The following TMCC3 variants were observed in gnomAD, a reference collection of about 807,000 sequenced individuals.
TMCC3 encodes transmembrane and coiled-coil domain protein 3.
TMCC3 carries 28 observed loss-of-function variants against 40.2 expected under a neutral mutation model. That is an observed-to-expected ratio of 0.70 (90% CI 0.52 to 0.95). The LOEUF (loss-of-function observed/expected upper bound fraction) is 0.95, where lower values mean the gene tolerates loss of function less well. TMCC3 is among the 40% of genes least tolerant of loss of function. The pLI, the probability that TMCC3 is intolerant of heterozygous loss-of-function variation, is 0.00. For missense variants in TMCC3, 554 were observed against 615.2 expected (o/e 0.90, Z 1.05); for synonymous variants, 255 against 248.5 (o/e 1.03, Z -0.25).
intron 1 of TMCC3, among the ~76,000 whole-genome samples, chr12:94,606,139 G>A (rs145043720): frequency 1.3e-5 from 2 of 152,306 alleles, no homozygotes; most frequent in South Asian, 2.1e-4. Flanking sequence ...CCATGGGTCT[G>A]TACCTGACCT....
chr12:94,582,501 AG>A lies in TMCC3; in HGVS notation c.115del (p.Leu39Ter), dbSNP rs746944256. The A allele has an allele frequency of 6.2e-7, 1 of 1,613,412 alleles. No individual in the cohort carries two copies. The highest frequency in any genetic ancestry group is 1.3e-5 in the African/African-American group (1 of 74,882). ...GTCTGACCCCCCTCGGCGTATGTTC[AG>A]GGGCAGGCTTAAGGTATTCATGTCA... The part of the protein sequence containing the change: ...RHDMNTLSLP[L>X]NIRRGGSDTN... On this transcript the variant is annotated frameshift_variant, in exon 2 of 4. Coordinates refer to ENST00000261226, the MANE Select transcript of TMCC3 (RefSeq NM_020698.4). LOFTEE classifies it high-confidence loss of function.
chr12:94,591,793 C>T (rs559488108), intron 1 of TMCC3, among the ~76,000 whole-genome samples: 1 of 152,098 alleles, frequency 6.6e-6, no homozygotes, highest in Admixed American at 6.6e-5. Context: ...ATGAGAGATA[C>T]CCCTAGCCCA....
intron 3 of TMCC3, among the ~76,000 whole-genome samples, chr12:94,574,830 C>T (rs1489672387): frequency 6.6e-6 from 1 of 152,166 alleles, no homozygotes; most frequent in Non-Finnish European, 1.5e-5. Flanking sequence ...AAAAGACCAA[C>T]CTTTTAGGAA....
chr12:94,587,438 A>G (rs960815477), intron 1 of TMCC3, among the ~76,000 whole-genome samples: 3 of 152,198 alleles, frequency 2.0e-5, no homozygotes, highest in African/African-American at 7.2e-5. Flanking sequence ...AAAAAGCCCA[A>G]GGGCTCCGGA....
intron 1 of TMCC3, among the ~76,000 whole-genome samples, chr12:94,636,831 G>A (rs377331286): frequency 3.3e-5 from 5 of 152,344 alleles, no homozygotes; most frequent in African/African-American, 1.2e-4. Context: ...ACCTAATCTT[G>A]TAAATATCCA....
intron 1 of TMCC3, among the ~76,000 whole-genome samples, chr12:94,646,339 C>A (rs1423817687): frequency 6.6e-6 from 1 of 151,694 alleles, no homozygotes; most frequent in South Asian, 2.1e-4. Flanking sequence ...AATTATTAAC[C>A]TGACATATAG....
At chr12:94,638,524 T>A (rs1480006908) in intron 1 of TMCC3, among the ~76,000 whole-genome samples, 1 of 152,238 alleles carries the variant, frequency 6.6e-6, no homozygotes, top group Non-Finnish European at 1.5e-5. Context: ...CACTCTTCCT[T>A]GTATTTCTTC....
intron 1 of TMCC3, among the ~76,000 whole-genome samples, chr12:94,617,679 G>T (rs1214959615): frequency 6.6e-6 from 1 of 152,192 alleles, no homozygotes; most frequent in Non-Finnish European, 1.5e-5. Context: ...CTGTTCTGGG[G>T]GACCAGGGGT....
rs566418800 is a variant in TMCC3 at position 94,571,343 on chromosome 12, C to T, written c.*92G>A. 47 of 1,341,014 alleles carry T rather than the reference C, an allele frequency of 3.5e-5. No individual in the cohort carries two copies. Among genetic ancestry groups the T allele is most frequent in the Middle Eastern group, 2.0e-4 (1 of 4,984 alleles). The allele number at this position is 1,341,014 out of a possible 1,614,324, so 83.1% of individuals were successfully genotyped here. On this transcript the variant is annotated 3_prime_UTR_variant, in exon 4 of 4. Transcript: ENST00000261226. ...TCCTAGTTTTTCTTACACACGAGTC[C>T]GCACAATCATTCACTGTAAAATTTG...
rs983008292 is a variant in TMCC3 at position 94,569,017 on chromosome 12, C to T, written c.*2418G>A. On this transcript the variant is annotated 3_prime_UTR_variant, in exon 4 of 4. Coordinates refer to ENST00000261226, the MANE Select transcript of TMCC3 (RefSeq NM_020698.4). ...GGGAGAAGATACACGGATCACAGGT[C>T]TGAGAAGTGTGCATTAAAGCACATT... is the stretch of plus-strand genomic sequence containing the variant. The T allele has an allele frequency of 1.3e-5, 2 of 152,222 alleles. No individual in the cohort carries two copies. Among genetic ancestry groups the T allele is most frequent in the African/African-American group, 2.4e-5 (1 of 41,450 alleles). The allele number at this position is 152,222 out of a possible 1,614,324, so 9.4% of individuals were successfully genotyped here.
intron 1 of TMCC3, among the ~76,000 whole-genome samples, chr12:94,593,342 G>A (rs2138840005): frequency 6.9e-6 from 1 of 145,838 alleles, no homozygotes; most frequent in East Asian, 2.0e-4. Context: ...ATTCAAGCCT[G>A]GACAACAGGC....
At chr12:94,644,681 C>T (rs574988093) in intron 1 of TMCC3, among the ~76,000 whole-genome samples, 4 of 152,290 alleles carry the variant, frequency 2.6e-5, no homozygotes, top group Middle Eastern at 6.8e-3. Context: ...AACAAATCAC[C>T]GGTGAAAACG....
chr12:94,596,748 C>T (rs550001994), intron 1 of TMCC3, among the ~76,000 whole-genome samples: 21 of 152,184 alleles, frequency 1.4e-4, no homozygotes, highest in African/African-American at 4.8e-4. Context: ...TGTTGACTAG[C>T]AGCCAACTAG....
At chr12:94,594,512 TG>T (rs1359682178) in intron 1 of TMCC3, among the ~76,000 whole-genome samples, 1 of 152,140 alleles carries the variant, frequency 6.6e-6, no homozygotes, top group Non-Finnish European at 1.5e-5. Flanking sequence ...TAAGGTCTTT[TG>T]GGGGCAGTTC....
At chr12:94,577,098 C>A (rs1020873136) in intron 3 of TMCC3, among the ~76,000 whole-genome samples, 5 of 152,148 alleles carry the variant, frequency 3.3e-5, no homozygotes, top group African/African-American at 1.2e-4. Flanking sequence ...AAAAAAGAAA[C>A]CTGTGAAGTG....
At chr12:94,578,165 A>AAAG (rs1555281323) in intron 3 of TMCC3, among the ~76,000 whole-genome samples, 123 of 123,356 alleles carry the variant, frequency 1.0e-3, no homozygotes, top group Non-Finnish European at 1.8e-3. Flanking sequence ...AAAAAAAAAA[A>AAAG]AAAGAAAAAG....
At chr12:94,585,449 C>T (rs1045626250) in intron 1 of TMCC3, among the ~76,000 whole-genome samples, 3 of 152,160 alleles carry the variant, frequency 2.0e-5, no homozygotes, top group African/African-American at 7.2e-5. Flanking sequence ...GTAATCTCAG[C>T]ACTTTGGGAG....
At chr12:94,644,824 C>A (rs1011612673) in intron 1 of TMCC3, among the ~76,000 whole-genome samples, 1 of 152,194 alleles carries the variant, frequency 6.6e-6, no homozygotes, top group Non-Finnish European at 1.5e-5. Context: ...ACTGCCCAAC[C>A]AGTTCCACTG....
At position 94,571,383 on chromosome 12, in the gene TMCC3, G is replaced by A. The variant is rs773110328; in HGVS notation, c.*52C>T. 3.2e-6 allele frequency: 5 copies of A among 1,578,026 alleles called. No homozygotes were observed. Among genetic ancestry groups the A allele is most frequent in the Admixed American group, 3.5e-5 (2 of 56,776 alleles). ...TGTAAAATTTGGTAGTATGCACAGA[G>A]TTTTCTTTAAAATAAAAACTTGAAA... On this transcript the variant is annotated 3_prime_UTR_variant, in exon 4 of 4. Coordinates refer to ENST00000261226, the MANE Select transcript of TMCC3 (RefSeq NM_020698.4).
Sources: gnomAD v4.1 joint callset for allele counts (sites outside exome capture counted in the v4.1 genomes callset) on GRCh38, gnomAD v4.1.1 for gene constraint, MANE v1.5 for transcripts, NCBI Gene and HGNC (gene_info 2026-07-23, HGNC 2026-07-21) for gene names.